The following ECT2 variants were observed in gnomAD, a reference collection of about 807,000 sequenced individuals.
ECT2 encodes the protein protein ECT2.
A neutral mutation model predicts 116.9 loss-of-function variants in ECT2; 61 were observed. That is an observed-to-expected ratio of 0.52 (90% confidence interval 0.42 to 0.65). ECT2 has a LOEUF of 0.65. ECT2 is among the 30% of genes least tolerant of loss of function. The pLI is 0.00. For synonymous variants in ECT2, 358 were observed against 346.4 expected, an observed-to-expected ratio of 1.03 and a Z score of -0.37; for missense variants, 937 against 1,078.7, an observed-to-expected ratio of 0.87 and a Z score of 1.84.
intron 11 of ECT2, among the ~76,000 whole-genome samples, 191 bp downstream of exon 11, chr3:172,763,163 T>G (rs1049369837): frequency 6.6e-6 from 1 of 152,230 alleles, no homozygotes; most frequent in East Asian, 1.9e-4. Flanking sequence ...TTTAACCTAA[T>G]ATATGTTGTT....
In ECT2 at chr3:172,762,747, A is replaced by G; in HGVS notation, c.946A>G (p.Asn316Asp). ...ERCTHLVVEENIVKDLPFEPS... is the reference protein window; with the variant it reads ...ERCTHLVVEEDIVKDLPFEPS... ...ATGCACTCACCTTGTAGTTGAAGAG[A>G]ATATAGTAAAAGATCTTCCCTTTGA... Residue 316 changes from asparagine (N) to aspartate (D), a missense_variant, in exon 10 of 25, where the codon AAT becomes GAT. Asn to Asp is a conservative substitution (Grantham distance 23). Transcript: ENST00000392692. 6.2e-7 allele frequency: 1 copy of G among 1,613,228 alleles called. No individual in the cohort carries two copies. Among genetic ancestry groups the G allele is most frequent in the Non-Finnish European group, 8.5e-7 (1 of 1,179,656 alleles).
At chr3:172,797,018 CTGTGTGTGTG>C (rs57188529) in intron 18 of ECT2, among the ~76,000 whole-genome samples, 8 of 139,028 alleles carry the variant, frequency 5.8e-5, no homozygotes, top group South Asian at 4.9e-4. Context: ...TCAGGTTCAA[CTGTGTGTGTG>C]TGTGTGTGTG....
Position 172,762,800 on chromosome 3 carries a change from G to C in ECT2, c.999G>C (p.Lys333Asn). 1 of 1,611,778 alleles carries C rather than the reference G, an allele frequency of 6.2e-7. No individual in the cohort carries two copies. Among genetic ancestry groups the C allele is most frequent in the Non-Finnish European group, 8.5e-7 (1 of 1,179,236 alleles). ...FEPSKKLYVVKQEWFWGSIQM... is the reference protein window; with the variant it reads ...FEPSKKLYVVNQEWFWGSIQM... Reference sequence around the variant, plus strand: ...CTTCAAAGAAACTTTATGTTGTCAAGCAAGAGGCAAGTAATTCTAGAATGA... The same window carrying C: ...CTTCAAAGAAACTTTATGTTGTCAACCAAGAGGCAAGTAATTCTAGAATGA... The change falls in exon 10 of 25, where the codon AAG (lysine) becomes AAC (asparagine). Residue 333 changes from lysine to asparagine, a missense_variant. Physicochemically the swap from Lys to Asn is moderately conservative, Grantham distance 94 (BLOSUM62 0). Coordinates refer to ENST00000392692, the MANE Select transcript of ECT2 (RefSeq NM_001258315.2).
intron 6 of ECT2, 112 bp downstream of exon 6, chr3:172,759,181 CTTA>C (rs1259850188): frequency 2.4e-5 from 16 of 679,224 alleles, no homozygotes; most frequent in African/African-American, 7.4e-5. Flanking sequence ...TGAAGGATAA[CTTA>C]TTATGGCTAT....
chr3:172,789,667 A>C (rs1724287089), intron 18 of ECT2, among the ~76,000 whole-genome samples: 1 of 152,216 alleles, frequency 6.6e-6, no homozygotes, highest in Non-Finnish European at 1.5e-5. Flanking sequence ...CACGTTATCA[A>C]CTAAGTGTCT....
chr3:172,805,912 A>G (rs1023701089), intron 21 of ECT2, 43 bp downstream of exon 21: 11 of 1,588,334 alleles, frequency 6.9e-6, no homozygotes, highest in Non-Finnish European at 9.4e-6. Context: ...AAAATAGTTT[A>G]TATTCATTGT....
chr3:172,797,757 G>A lies in ECT2; in HGVS notation c.1908-4859G>A, dbSNP rs554989133. On this transcript the variant is annotated intron_variant, in intron 18 of 24. Transcript: ENST00000392692. ...AGGTTTTATGTTTTATCAAGAAAAT[G>A]TCCTGTGTTGCCTTTATTAGGTTTT... Among the ~76,000 whole-genome samples the A allele has an allele frequency of 7.9e-5, 12 of 152,250 alleles. No homozygotes were observed. The South Asian group carries it at 2.3e-3, about 29-fold the overall frequency.
chr3:172,809,579 A>G (rs904492936), intron 22 of ECT2, among the ~76,000 whole-genome samples: 2 of 150,160 alleles, frequency 1.3e-5, no homozygotes, highest in African/African-American at 5.0e-5. Context: ...ACACACACAC[A>G]CACACACACA....
chr3:172,811,983 CTTT>C (rs200790013), intron 22 of ECT2, among the ~76,000 whole-genome samples: 8 of 134,582 alleles, frequency 5.9e-5, no homozygotes, highest in Admixed American at 7.5e-5. Flanking sequence ...AAATGTATTT[CTTT>C]TTTTTTTTTT....
chr3:172,820,487 G>A lies in ECT2; in HGVS notation c.*250G>A, dbSNP rs1730552568. 4 of 278,742 alleles carry A rather than the reference G, an allele frequency of 1.4e-5. No individual in the cohort carries two copies. The highest frequency in any genetic ancestry group is 2.7e-5 in the Non-Finnish European group (4 of 149,790). 17.3% of individuals were successfully genotyped at this position (278,742 alleles called of 1,614,324 possible). ...TCTTGTTTGAATCTGTCATTCAAAGGCCAATAATTTAAGTTGCTATCAGCT... is the reference window on the plus strand; with the variant it reads ...TCTTGTTTGAATCTGTCATTCAAAGACCAATAATTTAAGTTGCTATCAGCT... On this transcript the variant is annotated 3_prime_UTR_variant, in exon 25 of 25. Coordinates refer to ENST00000392692, the MANE Select transcript of ECT2 (RefSeq NM_001258315.2).
intron 16 of ECT2, among the ~76,000 whole-genome samples, chr3:172,784,432 G>A (rs1165514316): frequency 6.6e-6 from 1 of 151,756 alleles, no homozygotes; most frequent in Non-Finnish European, 1.5e-5. Flanking sequence ...GCTTTTTCTT[G>A]TGAATAATGT....
the ECT2 span, among the ~76,000 whole-genome samples, chr3:172,828,391 T>G: frequency 5.3e-5 from 8 of 151,386 alleles, no homozygotes; most frequent in African/African-American, 2.0e-4. Flanking sequence ...GACTAATTGT[T>G]TCTAAATTTA....
At chr3:172,818,504 G>T (rs1372098457) in intron 24 of ECT2, 1 of 1,152,534 alleles carries the variant, frequency 8.7e-7, no homozygotes, top group South Asian at 1.7e-5. Flanking sequence ...ATACCTTCAA[G>T]ACATTAATGT....
chr3:172,788,902 A>G (rs920637213), intron 18 of ECT2, among the ~76,000 whole-genome samples: 1 of 152,082 alleles, frequency 6.6e-6, no homozygotes, highest in African/African-American at 2.4e-5. Flanking sequence ...TACTAAAAAT[A>G]CAAAAATTAG....
chr3:172,752,814 C>G (rs1220378457), intron 1 of ECT2, among the ~76,000 whole-genome samples: 2 of 152,156 alleles, frequency 1.3e-5, no homozygotes, highest in Non-Finnish European at 2.9e-5. Context: ...TATGTGTGTT[C>G]CACCAATGTG....
chr3:172,788,102 G>A (rs1723935361), intron 18 of ECT2, among the ~76,000 whole-genome samples: 1 of 152,092 alleles, frequency 6.6e-6, no homozygotes, highest in African/African-American at 2.4e-5. Flanking sequence ...GAATTGTGAT[G>A]CTGATTAATA....
At chr3:172,780,574 C>T (rs1475007232) in intron 14 of ECT2, among the ~76,000 whole-genome samples, 1 of 152,140 alleles carries the variant, frequency 6.6e-6, no homozygotes, top group East Asian at 1.9e-4. Context: ...GAGATGTGGT[C>T]ATGCCAGATT....
intron 13 of ECT2, among the ~76,000 whole-genome samples, chr3:172,771,692 G>A (rs1381897778): frequency 6.6e-6 from 1 of 152,154 alleles, no homozygotes; most frequent in Non-Finnish European, 1.5e-5. Flanking sequence ...GGTTCACTTT[G>A]AAGGAGGAAT....
chr3:172,755,337 A>T lies in ECT2; in HGVS notation c.173A>T (p.Glu58Val). 1 of 1,605,530 alleles carries T rather than the reference A, an allele frequency of 6.2e-7. No homozygotes were observed. Among genetic ancestry groups the T allele is most frequent in the South Asian group, 1.1e-5 (1 of 88,690 alleles). Residue 58 changes from glutamate (E) to valine (V), a missense_variant, in exon 3 of 25, where the codon GAA (glutamate) becomes GTA (valine). Glu to Val is a moderately radical substitution (Grantham distance 121). Coordinates refer to ENST00000392692, the MANE Select transcript of ECT2 (RefSeq NM_001258315.2). ...GAAACAAGAGTGATATTGGTTCAAGAAGCTGGAAAACAAGAAGAACTTATA... is the reference window on the plus strand; with the variant it reads ...GAAACAAGAGTGATATTGGTTCAAGTAGCTGGAAAACAAGAAGAACTTATA... ...QIETRVILVQ[E>V]AGKQEELIKA...
Sources: allele counts gnomAD v4.1 joint callset (sites outside exome capture counted in the v4.1 genomes callset), GRCh38; gene constraint gnomAD v4.1.1; transcripts MANE v1.5; gene names NCBI Gene and HGNC (gene_info 2026-07-23, HGNC 2026-07-21).